The following CAPN9 variants were observed in gnomAD, a reference collection of about 807,000 sequenced individuals.
The protein encoded by CAPN9 is calpain-9.
CAPN9 carries 81 observed loss-of-function variants against 92.8 expected under a neutral mutation model. The observed-to-expected ratio is 0.87, with a 90% CI of 0.73 to 1.05. CAPN9 has a LOEUF of 1.05. CAPN9 is among the 50% of genes least tolerant of loss of function. The pLI, the probability that CAPN9 is intolerant of heterozygous loss-of-function variation, is 0.00. For missense variants in CAPN9, 848 were observed against 866.2 expected, an observed-to-expected ratio of 0.98 and a Z score of 0.26; for synonymous variants, 304 against 328.0, an observed-to-expected ratio of 0.93 and a Z score of 0.79.
chr1:230,767,507 T>C, intron 4 of CAPN9, 34 bp from the exon 5 acceptor site: 4 of 1,575,038 alleles, frequency 2.5e-6, no homozygotes, highest in Non-Finnish European at 3.4e-6. Context: ...CCTAGGTCCC[T>C]GACTCTCTCC....
At chr1:230,785,831 G>A (rs1376094266) in intron 11 of CAPN9, 150 bp from the exon 12 acceptor site, 3 of 742,600 alleles carry the variant, frequency 4.0e-6, no homozygotes, top group Middle Eastern at 3.3e-4. Context: ...TCAATGCATG[G>A]GGTCTGCAAA....
Position 230,780,602 on chromosome 1 carries a change from T to G in CAPN9, c.1375T>G (p.Phe459Val). The G allele has an allele frequency of 2.5e-6, 4 of 1,614,144 alleles. No individual in the cohort carries two copies. Among genetic ancestry groups the G allele is most frequent in the Non-Finnish European group, 3.4e-6 (4 of 1,180,016 alleles). Residue 459 changes from phenylalanine (F) to valine (V), a missense_variant, in exon 11 of 20, where the codon TTC becomes GTC. Coordinates refer to ENST00000271971, the MANE Select transcript of CAPN9 (RefSeq NM_006615.3). ...CAACCTGAGAGAAGTCTCCGACCGG[T>G]TCAAGCTGCCCCCTGGGGAGTACAT... ...FINLREVSDR[F>V]KLPPGEYILI...
chr1:230,751,587 A>AAGAAAGAAAGAAAGAAAG (rs1664786166), intron 1 of CAPN9, among the ~76,000 whole-genome samples: 1 of 34,780 alleles, frequency 2.9e-5, no homozygotes, highest in Admixed American at 3.4e-4. Context: ...GAAAGAAACA[A>AAGAAAGAAAGAAAGAAAG]AGAAAGAAAG....
rs1212835114 is a variant in CAPN9, at chr1:230,800,293, AGAAAGAAAGAAAGGAAAAAC to A, written c.2047-1276_2047-1257del. On this transcript the variant is annotated intron_variant, in intron 19 of 19. Coordinates refer to ENST00000271971, the MANE Select transcript of CAPN9 (RefSeq NM_006615.3). ...AAGAAAGAAAGAAAGAAAGAAAGAA[AGAAAGAAAGAAAGGAAAAAC>A]AAGAGAGACCCCTAGGTCCACCTTT... Among the ~76,000 whole-genome samples the A allele has an allele frequency of 2.1e-4, 23 of 112,108 alleles. 2 individuals carry two copies. The highest frequency in any genetic ancestry group is 7.7e-4 in the African/African-American group (23 of 29,970). 73.5% of individuals were successfully genotyped at this position (112,108 alleles called of 152,430 possible).
intron 19 of CAPN9, among the ~76,000 whole-genome samples, chr1:230,801,296 G>A (rs1056571813): frequency 4.6e-5 from 7 of 152,166 alleles, no homozygotes; most frequent in African/African-American, 1.7e-4. Flanking sequence ...CCTCTTAACA[G>A]GGAGAAAGCA....
chr1:230,759,813 T>A (rs1328911495), intron 3 of CAPN9, among the ~76,000 whole-genome samples, 183 bp downstream of exon 3: 8 of 152,230 alleles, frequency 5.3e-5, no homozygotes, highest in Non-Finnish European at 1.2e-4. Context: ...CAGAAGAACA[T>A]TAACGGCATT....
chr1:230,780,081 CGTGTGTGTGTGTGTGT>C (rs59033537), intron 9 of CAPN9, 82 bp from the exon 10 acceptor site: 25 of 646,948 alleles, frequency 3.9e-5, no homozygotes, highest in Admixed American at 5.6e-5. Flanking sequence ...GGTGTATGTG[CGTGTGTGTGTGTGTGT>C]GTGTGTGTGT....
chr1:230,765,462 C>T (rs1665927767), intron 4 of CAPN9, among the ~76,000 whole-genome samples: 1 of 152,080 alleles, frequency 6.6e-6, no homozygotes, highest in African/African-American at 2.4e-5. Flanking sequence ...AGTTCGAGAC[C>T]AGCCTGGCCA....
chr1:230,775,141 C>A (rs574522082), intron 8 of CAPN9, among the ~76,000 whole-genome samples: 1 of 152,250 alleles, frequency 6.6e-6, no homozygotes, highest in South Asian at 2.1e-4. Flanking sequence ...TTGGTGGGGG[C>A]TCACCCCAGC....
intron 17 of CAPN9, among the ~76,000 whole-genome samples, chr1:230,793,507 G>A (rs369080250): frequency 6.6e-6 from 1 of 152,182 alleles, no homozygotes; most frequent in East Asian, 1.9e-4. Flanking sequence ...TCCGGTGCTG[G>A]ATGGCTGTCG....
At chr1:230,788,973 T>G (rs1275116951) in intron 13 of CAPN9, among the ~76,000 whole-genome samples, 2 of 152,206 alleles carry the variant, frequency 1.3e-5, no homozygotes, top group Middle Eastern at 3.2e-3. Flanking sequence ...TTGACTCATG[T>G]CCTGCTTTTC....
rs117109590 is a variant in CAPN9, at chr1:230,762,739, C to T, written c.489C>T (p.Ala163=). ...ACCGCTTGGTTTTCCTCCACTCTGCCGACCACAACGAGTTCTGGAGCGCCT... is the reference window on the plus strand; with the variant it reads ...ACCGCTTGGTTTTCCTCCACTCTGCTGACCACAACGAGTTCTGGAGCGCCT... The part of the protein sequence containing the change: ...FRDRLVFLHS[A]DHNEFWSALL... Residue 163 remains alanine (A), a synonymous_variant, in exon 4 of 20, where the codon GCC becomes GCT. Coordinates refer to ENST00000271971, the MANE Select transcript of CAPN9 (RefSeq NM_006615.3). 7.3e-5 allele frequency: 118 copies of T among 1,614,110 alleles called. No homozygotes were observed. In the East Asian group the frequency reaches 2.2e-3, roughly 30 times the overall value.
rs530525901 is a variant in CAPN9, at chr1:230,749,111, C to G, written c.213+1402C>G. 2.0e-5 allele frequency among the ~76,000 whole-genome samples: 3 copies of G among 152,282 alleles called. No homozygotes were observed. In the East Asian group the frequency reaches 5.8e-4, roughly 29 times the overall value. ...TCTTCACCTGCCAGGTAATTGATCC[C>G]ACAAGGTGCCATGTTCATGGGGAAA... is the stretch of plus-strand genomic sequence containing the variant. On this transcript the variant is annotated intron_variant, in intron 1 of 19. Transcript: ENST00000271971.
rs1184056298 is a variant in CAPN9 at position 230,751,593 on chromosome 1, G to C, written c.214-3744G>C. 9.3e-3 allele frequency among the ~76,000 whole-genome samples: 150 copies of C among 16,064 alleles called. 3 individuals carry two copies. Among genetic ancestry groups the C allele is most frequent in the African/African-American group, 0.034 (132 of 3,890 alleles). The allele number at this position is 16,064 out of a possible 152,430, so 10.5% of individuals were successfully genotyped here. On this transcript the variant is annotated intron_variant, in intron 1 of 19. Transcript: ENST00000271971. ...AAGAAAGAAGAAAGAAACAAAGAAA[G>C]AAAGAAAGAAAGAAAGAGAAAGAAA...
At chr1:230,783,867 G>A (rs955232942) in intron 11 of CAPN9, among the ~76,000 whole-genome samples, 1 of 152,220 alleles carries the variant, frequency 6.6e-6, no homozygotes, top group African/African-American at 2.4e-5. Flanking sequence ...TTAGAGGCTG[G>A]TTAAATAGTT....
Position 230,780,689 on chromosome 1 carries a change from G to A in CAPN9, c.1462G>A (p.Glu488Lys), listed in dbSNP as rs771257971. The A allele has an allele frequency of 3.7e-6, 6 of 1,614,002 alleles. No homozygotes were observed. Among genetic ancestry groups the A allele is most frequent in the East Asian group, 2.2e-5 (1 of 44,878 alleles). Residue 488 changes from glutamate to lysine, a missense_variant, in exon 11 of 20, where the codon GAG (glutamate) becomes AAG (lysine). Coordinates refer to ENST00000271971, the MANE Select transcript of CAPN9 (RefSeq NM_006615.3). ...TGATTTCTGTCTGAGAATCTTTTCAGAGAAAAAAGCCATTACCCGGTGAGT... is the reference window on the plus strand; with the variant it reads ...TGATTTCTGTCTGAGAATCTTTTCAAAGAAAAAAGCCATTACCCGGTGAGT... ...EADFCLRIFS[E>K]KKAITRDMDG...
intron 4 of CAPN9, among the ~76,000 whole-genome samples, chr1:230,765,913 G>A (rs1665956045): frequency 6.6e-6 from 1 of 152,114 alleles, no homozygotes; most frequent in Non-Finnish European, 1.5e-5. Context: ...GGAAAGGGGA[G>A]AGAAGGAGCA....
At chr1:230,778,936 GC>G (rs1171509733) in intron 8 of CAPN9, 36 bp from the exon 9 acceptor site, 6 of 1,577,954 alleles carry the variant, frequency 3.8e-6, no homozygotes, top group Admixed American at 3.4e-5. Context: ...CCTCACTCTT[GC>G]CCTCCTGTGC....
chr1:230,764,731 G>A (rs77145105), intron 4 of CAPN9, among the ~76,000 whole-genome samples: 3 of 152,288 alleles, frequency 2.0e-5, no homozygotes, highest in East Asian at 1.9e-4. Flanking sequence ...CTGAACAATC[G>A]AGTGAACGGA....
Sources: allele counts gnomAD v4.1 joint callset (sites outside exome capture counted in the v4.1 genomes callset), GRCh38; gene constraint gnomAD v4.1.1; transcripts MANE v1.5; gene names NCBI Gene and HGNC (gene_info 2026-07-23, HGNC 2026-07-21).